Variants in PTPN5 observed in about 807,000 individuals in gnomAD.
The protein encoded by PTPN5 is tyrosine-protein phosphatase non-receptor type 5.
A neutral mutation model predicts 73.9 loss-of-function variants in PTPN5; 29 were observed. The ratio of observed to expected loss-of-function variants is 0.39; its 90% CI spans 0.29 to 0.54. PTPN5 has a LOEUF of 0.54. Among genes scored for constraint, PTPN5 ranks in the 20% least tolerant of loss-of-function variants. PTPN5 has a pLI of 0.65. For synonymous variants in PTPN5, 267 were observed against 304.7 expected (o/e 0.88, Z 1.29); for missense variants, 652 against 751.4 (o/e 0.87, Z 1.55).
intron 2 of PTPN5, among the ~76,000 whole-genome samples, chr11:18,771,391 C>T (rs1316185839): frequency 1.3e-5 from 2 of 152,204 alleles, no homozygotes; most frequent in Non-Finnish European, 2.9e-5. Context: ...GGTGCGTCTT[C>T]CACGGAGCAC....
intron 9 of PTPN5, among the ~76,000 whole-genome samples, chr11:18,735,145 C>A (rs562944726): frequency 6.6e-6 from 1 of 152,274 alleles, no homozygotes; most frequent in South Asian, 2.1e-4. Flanking sequence ...GACATTATTA[C>A]AAGTTCCACA....
At chr11:18,744,410 T>C in intron 3 of PTPN5, 1 of 411,440 alleles carries the variant, frequency 2.4e-6, no homozygotes, top group Non-Finnish European at 4.2e-6. Context: ...TTCTCTTTTA[T>C]TTCTCCAGTA....
Position 18,737,954 on chromosome 11 carries a change from A to C in PTPN5, c.926T>G (p.Met309Arg). Reference protein sequence around the residue: ...LLQAEFFEIPMNFVDPKEYDI... With the variant: ...LLQAEFFEIPRNFVDPKEYDI... ...GTACTCTTTCGGATCCACAAAGTTCATGGGGATTTCCTGTGGAAGGAGGAC... is the reference window on the plus strand; with the variant it reads ...GTACTCTTTCGGATCCACAAAGTTCCTGGGGATTTCCTGTGGAAGGAGGAC... Residue 309 changes from methionine to arginine, a missense_variant, in exon 9 of 15, where the codon ATG becomes AGG. Physicochemically the swap from Met to Arg is moderately conservative, Grantham distance 91. Coordinates refer to ENST00000358540, the MANE Select transcript of PTPN5 (RefSeq NM_006906.2). 1 of 1,614,114 alleles carries C rather than the reference A, an allele frequency of 6.2e-7. No homozygotes were observed. The highest frequency in any genetic ancestry group is 8.5e-7 in the Non-Finnish European group (1 of 1,179,954).
At chr11:18,784,713 A>G (rs1851591201) in intron 1 of PTPN5, among the ~76,000 whole-genome samples, 1 of 152,162 alleles carries the variant, frequency 6.6e-6, no homozygotes, top group Admixed American at 6.5e-5. Context: ...AAAACACTGG[A>G]AGGACAGACT....
intron 2 of PTPN5, among the ~76,000 whole-genome samples, chr11:18,771,014 T>C (rs915984861): frequency 6.6e-6 from 1 of 152,174 alleles, no homozygotes; most frequent in African/African-American, 2.4e-5. Flanking sequence ...CCAGGACTTA[T>C]GCAGAGAAAG....
At chr11:18,747,009 C>T (rs1849673459) in intron 3 of PTPN5, among the ~76,000 whole-genome samples, 1 of 152,160 alleles carries the variant, frequency 6.6e-6, no homozygotes, top group Non-Finnish European at 1.5e-5. Context: ...TGGGCAATCC[C>T]TTCTTCTCCC....
At position 18,744,196 on chromosome 11, in the gene PTPN5, A is replaced by T. The variant is rs747348193; in HGVS notation, c.101T>A (p.Leu34His). The T allele has an allele frequency of 2.6e-6, 4 of 1,542,682 alleles. No homozygotes were observed. The highest frequency in any genetic ancestry group is 3.5e-6 in the Non-Finnish European group (4 of 1,148,610). Reference protein sequence around the residue: ...DMCCSERLPGLPQPIVMEALD... With the variant: ...DMCCSERLPGHPQPIVMEALD... ...TGCCTCCATCACTATCGGCTGGGGGAGACCTGTGGAAGATGGGCCATGCGG... is the reference window on the plus strand; with the variant it reads ...TGCCTCCATCACTATCGGCTGGGGGTGACCTGTGGAAGATGGGCCATGCGG... Residue 34 changes from leucine to histidine, a missense_variant, in exon 4 of 15, where the codon CTC (leucine) becomes CAC (histidine). By Grantham distance (99) the Leu-to-His change is moderately conservative. Transcript: ENST00000358540.
At chr11:18,748,678 A>G (rs1849746846) in intron 3 of PTPN5, among the ~76,000 whole-genome samples, 1 of 151,946 alleles carries the variant, frequency 6.6e-6, no homozygotes, top group Non-Finnish European at 1.5e-5. Context: ...AATTGGTGTT[A>G]GTTTCAAAGA....
chr11:18,738,375 T>C (rs1849211485), intron 8 of PTPN5, among the ~76,000 whole-genome samples: 2 of 152,168 alleles, frequency 1.3e-5, no homozygotes, highest in Admixed American at 6.5e-5. Flanking sequence ...CCTCATCTCA[T>C]GTCCCGCCTC....
intron 1 of PTPN5, among the ~76,000 whole-genome samples, chr11:18,781,169 T>C (rs1209757157): frequency 6.6e-6 from 1 of 151,898 alleles, no homozygotes; most frequent in Non-Finnish European, 1.5e-5. Context: ...CCGGCCCCCT[T>C]GACTCCCTGA....
Position 18,728,886 on chromosome 11 carries a change from G to A in PTPN5, c.*48C>T, listed in dbSNP as rs137920047. 135 of 1,576,726 alleles carry A rather than the reference G, an allele frequency of 8.6e-5. No individual in the cohort carries two copies. The highest frequency in any genetic ancestry group is 1.1e-4 in the Non-Finnish European group (125 of 1,159,344). ...CGAGGCAGGGCCCTGGGTGAGGGCC[G>A]AGACTCAGGCTGGGCAGTGCCCAGA... On this transcript the variant is annotated 3_prime_UTR_variant, in exon 15 of 15. Coordinates refer to ENST00000358540, the MANE Select transcript of PTPN5 (RefSeq NM_006906.2). This position sits in a 1 kb window ranked among gnomAD's most constrained non-coding sequence, Gnocchi z 4.1.
Position 18,744,182 on chromosome 11 carries a change from C to A in PTPN5, c.115G>T (p.Val39Leu). 6.4e-7 allele frequency: 1 copy of A among 1,570,082 alleles called. No homozygotes were observed. The highest frequency in any genetic ancestry group is 8.6e-7 in the Non-Finnish European group (1 of 1,161,142). ...TCAGCCTCGTCCAGTGCCTCCATCA[C>A]TATCGGCTGGGGGAGACCTGTGGAA... The part of the protein sequence containing the change: ...ERLPGLPQPI[V>L]MEALDEAEGL... The change falls in exon 4 of 15, where the codon GTG becomes TTG. Residue 39 changes from valine to leucine, a missense_variant. Coordinates refer to ENST00000358540, the MANE Select transcript of PTPN5 (RefSeq NM_006906.2).
At chr11:18,745,358 G>A (rs1849568102) in intron 3 of PTPN5, among the ~76,000 whole-genome samples, 1 of 152,170 alleles carries the variant, frequency 6.6e-6, no homozygotes, top group South Asian at 2.1e-4. Flanking sequence ...CACCTCCCAT[G>A]GCCTGGATCA....
At chr11:18,780,204 G>A (rs977603594) in intron 1 of PTPN5, among the ~76,000 whole-genome samples, 1 of 152,192 alleles carries the variant, frequency 6.6e-6, no homozygotes, top group East Asian at 1.9e-4. Flanking sequence ...GGATGAGAGG[G>A]GTCTTCCCAG....
chr11:18,759,329 C>T (rs1850289174), intron 3 of PTPN5, among the ~76,000 whole-genome samples: 1 of 152,214 alleles, frequency 6.6e-6, no homozygotes, highest in South Asian at 2.1e-4. Flanking sequence ...CATCATATTA[C>T]TACCCTTATT....
chr11:18,738,652 C>G (rs966034839), intron 8 of PTPN5, among the ~76,000 whole-genome samples: 1 of 152,156 alleles, frequency 6.6e-6, no homozygotes, highest in African/African-American at 2.4e-5. Flanking sequence ...CCCCTACCCC[C>G]ATCTCTCCAA....
At chr11:18,786,360 G>A (rs544393788) in intron 1 of PTPN5, among the ~76,000 whole-genome samples, 1 of 152,062 alleles carries the variant, frequency 6.6e-6, no homozygotes, top group Admixed American at 6.5e-5. Context: ...CTGCCACGGC[G>A]CCTGGCTAAT....
intron 1 of PTPN5, among the ~76,000 whole-genome samples, chr11:18,773,125 G>C (rs1225903057): frequency 6.8e-6 from 1 of 147,826 alleles, no homozygotes; most frequent in Non-Finnish European, 1.5e-5. Context: ...GTGTGGAAAG[G>C]GGGTGAACCG....
At position 18,746,196 on chromosome 11, in the gene PTPN5, T is replaced by TATATACACA. The variant is rs1162694331; in HGVS notation, c.98-1998_98-1997insTGTGTATAT. Among the ~76,000 whole-genome samples the TATATACACA allele has an allele frequency of 1.6e-3, 125 of 80,464 alleles. 1 individual carries two copies. Among genetic ancestry groups the TATATACACA allele is most frequent in the Non-Finnish European group, 3.6e-3 (113 of 31,802 alleles). 52.8% of individuals were successfully genotyped at this position (80,464 alleles called of 152,430 possible). ...ATATATATATATATATATATATACA[T>TATATACACA]TTTTTTTTTTTTTGAGATGGAGTCT... On this transcript the variant is annotated intron_variant, in intron 3 of 14. Transcript: ENST00000358540.
Sources: allele counts gnomAD v4.1 joint callset (sites outside exome capture counted in the v4.1 genomes callset), GRCh38; gene constraint gnomAD v4.1.1; non-coding constraint Gnocchi (gnomAD v3.1); transcripts MANE v1.5; gene names NCBI Gene and HGNC (gene_info 2026-07-23, HGNC 2026-07-21).